Variants in ANK3 observed in about 807,000 individuals in gnomAD.
ANK3 encodes the protein ankyrin 3.
A neutral mutation model predicts 370.9 loss-of-function variants in ANK3; 57 were observed. The ratio of observed to expected loss-of-function variants is 0.15; its 90% CI spans 0.12 to 0.19. The LOEUF (loss-of-function observed/expected upper bound fraction) is 0.19. Among genes scored for constraint, ANK3 ranks in the 10% least tolerant of loss-of-function variants. The pLI, the probability that ANK3 is intolerant of heterozygous loss-of-function variation, is 1.00. For missense variants in ANK3, 4,439 were observed against 5,302.1 expected (o/e 0.84, Z 5.06); for synonymous variants, 1,929 against 1,946.3 (o/e 0.99, Z 0.23).
At chr10:60,232,668 G>A (rs1351909830) in intron 8 of ANK3, among the ~76,000 whole-genome samples, 2 of 152,086 alleles carry the variant, frequency 1.3e-5, no homozygotes, top group Non-Finnish European at 2.9e-5. Flanking sequence ...ATGGTTTCCA[G>A]GTTCAATGGT....
intron 1 of ANK3, among the ~76,000 whole-genome samples, chr10:60,376,204 T>C (rs985132958): frequency 6.6e-6 from 1 of 152,186 alleles, no homozygotes; most frequent in Non-Finnish European, 1.5e-5. Context: ...TTCCTATTAC[T>C]TCAGAGATTC....
chr10:60,296,492 A>G (rs1040749542), intron 1 of ANK3, among the ~76,000 whole-genome samples: 2 of 152,212 alleles, frequency 1.3e-5, no homozygotes, highest in East Asian at 1.9e-4. Flanking sequence ...TGTTCCTTTC[A>G]AACATTTTTA....
At chr10:60,474,626 T>C (rs1361365561) in intron 2 of ANK3, among the ~76,000 whole-genome samples, 1 of 152,216 alleles carries the variant, frequency 6.6e-6, no homozygotes, top group Non-Finnish European at 1.5e-5. Flanking sequence ...GCCTTTCAAA[T>C]AGTAATCACA....
Position 60,038,012 on chromosome 10 carries a change from T to C in ANK3, c.*19+4660A>G, listed in dbSNP as rs189250696. Among the ~76,000 whole-genome samples, 11 of 152,324 alleles carry C rather than the reference T, an allele frequency of 7.2e-5. No individual in the cohort carries two copies. In the East Asian group the frequency reaches 1.5e-3, roughly 21 times the overall value. ...CTGACTGGTGTGACATGGTATCTCA[T>C]TGTGGTTTTAATGTGCAATTCTCTA... On this transcript the variant is annotated intron_variant, in intron 43 of 43. Transcript: ENST00000280772.
chr10:60,173,251 A>C, intron 18 of ANK3, 65 bp from the exon 19 acceptor site: 1 of 1,253,532 alleles, frequency 8.0e-7, no homozygotes, highest in Non-Finnish European at 1.1e-6. Context: ...GCTATCCTAA[A>C]CAGAAGCAAA....
At chr10:60,685,085 A>G in intron 1 of ANK3, 3 of 1,156,372 alleles carry the variant, frequency 2.6e-6, no homozygotes, top group Non-Finnish European at 1.2e-6. Context: ...ATGAATATCA[A>G]TACCTATTAT....
At chr10:60,180,582 G>T (rs1250064226) in intron 18 of ANK3, among the ~76,000 whole-genome samples, 2 of 94,240 alleles carry the variant, frequency 2.1e-5, no homozygotes, top group Admixed American at 1.5e-4. Context: ...GTAACAGAGT[G>T]AGACTCCGTC....
At chr10:60,086,436 A>G in intron 30 of ANK3, 1 of 399,522 alleles carries the variant, frequency 2.5e-6, no homozygotes, top group Non-Finnish European at 4.4e-6. Flanking sequence ...AATAGCAGGA[A>G]AGATGCTATC....
At chr10:60,370,904 G>A (rs1824405) in intron 1 of ANK3, among the ~76,000 whole-genome samples, 55,370 of 151,932 alleles carry the variant, frequency 0.36, 10,949 homozygotes, top group Middle Eastern at 0.49. Context: ...AAGTAATAGG[G>A]GAAATCGGGA....
intron 17 of ANK3, among the ~76,000 whole-genome samples, chr10:60,184,061 A>AT (rs1311935017): frequency 6.6e-6 from 1 of 152,186 alleles, no homozygotes; most frequent in African/African-American, 2.4e-5. Context: ...GTTCATGATC[A>AT]TTTTTCCTTA....
chr10:60,716,373 A>C (rs1004462585), intron 1 of ANK3, among the ~76,000 whole-genome samples: 3 of 152,122 alleles, frequency 2.0e-5, no homozygotes, highest in African/African-American at 7.2e-5. Context: ...CAAAGTATGC[A>C]CTTAAATATA....
At chr10:60,169,600 C>A (rs1484344329) in intron 21 of ANK3, among the ~76,000 whole-genome samples, 1 of 152,032 alleles carries the variant, frequency 6.6e-6, no homozygotes, top group Non-Finnish European at 1.5e-5. Flanking sequence ...GCAAAGGAAT[C>A]ACTATGTTCA....
intron 8 of ANK3, among the ~76,000 whole-genome samples, chr10:60,234,077 T>C (rs568890876): frequency 6.6e-6 from 1 of 152,328 alleles, no homozygotes; most frequent in South Asian, 2.1e-4. Flanking sequence ...TGCAACAAGA[T>C]TTCCTTCTAA....
chr10:60,534,239 G>A (rs1442046429), intron 2 of ANK3, among the ~76,000 whole-genome samples: 1 of 152,106 alleles, frequency 6.6e-6, no homozygotes, highest in Non-Finnish European at 1.5e-5. Context: ...AATAATATAG[G>A]ACAGTCAGAG....
At chr10:60,286,766 C>T (rs116736993) in intron 1 of ANK3, among the ~76,000 whole-genome samples, 1 of 152,284 alleles carries the variant, frequency 6.6e-6, no homozygotes, top group African/African-American at 2.4e-5. Context: ...TCTTTAATGC[C>T]TGGATTAATG....
At chr10:60,693,485 G>A (rs1449760786) in intron 1 of ANK3, among the ~76,000 whole-genome samples, 1 of 152,232 alleles carries the variant, frequency 6.6e-6, no homozygotes, top group Admixed American at 6.5e-5. Flanking sequence ...AACCTCTGCA[G>A]ACTTAAATGT....
At chr10:60,423,535 T>C (rs2063819983) in intron 2 of ANK3, among the ~76,000 whole-genome samples, 3 of 151,994 alleles carry the variant, frequency 2.0e-5, no homozygotes, top group African/African-American at 7.2e-5. Flanking sequence ...GTTGTCACTC[T>C]TCATTGCAAT....
At chr10:60,729,776 C>T (rs2079994253) in intron 1 of ANK3, among the ~76,000 whole-genome samples, 1 of 152,176 alleles carries the variant, frequency 6.6e-6, no homozygotes, top group Non-Finnish European at 1.5e-5. Context: ...ACATAACTTT[C>T]ATCTGATTGC....
At chr10:60,276,411 T>G (rs2098090175) in intron 4 of ANK3, among the ~76,000 whole-genome samples, 2 of 152,172 alleles carry the variant, frequency 1.3e-5, no homozygotes, top group African/African-American at 4.8e-5. Flanking sequence ...TACCAGGAAT[T>G]ATCATTGAAA....
Sources: gnomAD v4.1 joint callset for allele counts (sites outside exome capture counted in the v4.1 genomes callset) on GRCh38, gnomAD v4.1.1 for gene constraint, MANE v1.5 for transcripts, NCBI Gene and HGNC (gene_info 2026-07-23, HGNC 2026-07-21) for gene names.